PID1: variants seen among roughly 807,000 people sequenced by gnomAD.
The protein encoded by PID1 is phosphotyrosine interaction domain containing 1.
Under a neutral mutation model 19.1 loss-of-function variants are expected in PID1, and 10 were observed. The observed-to-expected ratio is 0.52, with a 90% CI of 0.32 to 0.89. The LOEUF (loss-of-function observed/expected upper bound fraction) is 0.89. PID1 is among the 40% of genes least tolerant of loss of function. PID1 has a pLI of 0.03. For missense variants in PID1, 248 were observed against 285.3 expected (o/e 0.87, Z 0.94); for synonymous variants, 130 against 116.0 (o/e 1.12, Z -0.78).
intron 1 of PID1, among the ~76,000 whole-genome samples, chr2:229,182,301 T>C (rs1418884382): frequency 3.3e-5 from 5 of 152,146 alleles, no homozygotes; most frequent in African/African-American, 9.7e-5. Context: ...GGGGAGGCTG[T>C]GTGTTTTGAA....
At chr2:229,046,813 T>C (rs1693891395) in intron 2 of PID1, among the ~76,000 whole-genome samples, 2 of 152,198 alleles carry the variant, frequency 1.3e-5, no homozygotes, top group Admixed American at 1.3e-4. Context: ...GCTTTCAAAA[T>C]GCATAGAAAA....
chr2:229,132,058 G>A (rs1463001856), intron 2 of PID1, among the ~76,000 whole-genome samples: 1 of 152,074 alleles, frequency 6.6e-6, no homozygotes, highest in Non-Finnish European at 1.5e-5. Context: ...TGTTTCCAGG[G>A]ACTCCAGATG....
At chr2:229,188,792 C>T (rs906906778) in intron 1 of PID1, among the ~76,000 whole-genome samples, 2 of 151,262 alleles carry the variant, frequency 1.3e-5, no homozygotes, top group Non-Finnish European at 1.5e-5. Context: ...ACTCAGAGCA[C>T]AGTTCTGTTA....
intron 1 of PID1, among the ~76,000 whole-genome samples, chr2:229,181,474 G>C (rs536087503): frequency 2.0e-5 from 3 of 151,790 alleles, no homozygotes; most frequent in Non-Finnish European, 4.4e-5. Flanking sequence ...GAGAATCAAC[G>C]GCAAGATCAA....
intron 2 of PID1, among the ~76,000 whole-genome samples, chr2:229,114,113 T>TTCTCTCTC (rs59302884): frequency 7.2e-6 from 1 of 138,874 alleles, no homozygotes; most frequent in Non-Finnish European, 1.6e-5. Context: ...CTCTCTCTCT[T>TTCTCTCTC]TCTCTCTCTC....
intron 1 of PID1, chr2:229,262,778 T>A (rs774758976): frequency 6.4e-7 from 1 of 1,551,546 alleles, no homozygotes; most frequent in South Asian, 1.2e-5. Context: ...TCTTCTAACA[T>A]CAGGTGGTTG....
chr2:229,034,849 A>G (rs940307650), intron 2 of PID1, among the ~76,000 whole-genome samples: 1 of 152,138 alleles, frequency 6.6e-6, no homozygotes, highest in African/African-American at 2.4e-5. Context: ...TATGGAGCCT[A>G]TGATGGAAAA....
intron 2 of PID1, among the ~76,000 whole-genome samples, chr2:229,070,121 A>G (rs1207776602): frequency 6.6e-6 from 1 of 152,236 alleles, no homozygotes; most frequent in African/African-American, 2.4e-5. Context: ...GTATACACAG[A>G]GCTTTGGATA....
intron 2 of PID1, among the ~76,000 whole-genome samples, chr2:229,139,121 GAA>G (rs1253548544): frequency 1.1e-4 from 12 of 104,498 alleles, no homozygotes; most frequent in Non-Finnish European, 1.6e-4. Context: ...GAAAGAGAAA[GAA>G]AGAAAGAAAG....
intron 2 of PID1, among the ~76,000 whole-genome samples, chr2:229,112,441 C>T (rs558575062): frequency 9.2e-5 from 14 of 152,272 alleles, no homozygotes; most frequent in Admixed American, 3.3e-4. Flanking sequence ...TCTAGAAATG[C>T]ACCTCCTAAA....
intron 1 of PID1, among the ~76,000 whole-genome samples, chr2:229,189,772 G>A (rs902769035): frequency 4.6e-5 from 7 of 152,154 alleles, no homozygotes; most frequent in Admixed American, 3.9e-4. Context: ...CAGTCGAGGG[G>A]CAGGCAAGGG....
chr2:229,196,751 C>A (rs551523564), intron 1 of PID1, among the ~76,000 whole-genome samples: 1 of 152,176 alleles, frequency 6.6e-6, no homozygotes, highest in East Asian at 1.9e-4. Flanking sequence ...CATATTTATG[C>A]TTTGGGTCTC....
intron 2 of PID1, among the ~76,000 whole-genome samples, chr2:229,109,467 A>G (rs1013730599): frequency 6.6e-6 from 1 of 152,200 alleles, no homozygotes; most frequent in Non-Finnish European, 1.5e-5. Flanking sequence ...CACATGGGCC[A>G]GTCCACAGGT....
At chr2:229,081,780 A>C (rs982203966) in intron 2 of PID1, among the ~76,000 whole-genome samples, 1 of 152,238 alleles carries the variant, frequency 6.6e-6, no homozygotes, top group Non-Finnish European at 1.5e-5. Flanking sequence ...AACAAAAGTT[A>C]ATAGTGTTTG....
chr2:229,211,617 C>T (rs552710722), intron 1 of PID1, among the ~76,000 whole-genome samples: 7 of 152,210 alleles, frequency 4.6e-5, no homozygotes, highest in Non-Finnish European at 5.9e-5. Context: ...GCACCACATT[C>T]TCTTTTTAAT....
At position 229,056,706 on chromosome 2, in the gene PID1, A is replaced by G. The variant is rs550408556; in HGVS notation, c.178-30598T>C. The stretch of plus-strand genomic sequence containing the variant: ...CCAATGCACCACCAAGCAATCTGAT[A>G]ATCAAAAGGTGTTCACACATTTCTT... On this transcript the variant is annotated intron_variant, in intron 2 of 2. Coordinates refer to ENST00000392055, the MANE Select transcript of PID1 (RefSeq NM_001100818.2). 4.1e-4 allele frequency among the ~76,000 whole-genome samples: 62 copies of G among 151,554 alleles called. No homozygotes were observed. In the East Asian group the frequency reaches 0.01, roughly 26 times the overall value.
At chr2:229,253,043 G>A (rs1333423211) in intron 1 of PID1, among the ~76,000 whole-genome samples, 1 of 152,136 alleles carries the variant, frequency 6.6e-6, no homozygotes, top group Non-Finnish European at 1.5e-5. Context: ...CTACCCAGAA[G>A]GTCAGGACTG....
chr2:229,048,240 C>A (rs554807917), intron 2 of PID1, among the ~76,000 whole-genome samples: 1 of 152,198 alleles, frequency 6.6e-6, no homozygotes, highest in South Asian at 2.1e-4. Context: ...ACTCAGGAAC[C>A]CCCTTTAAAG....
intron 1 of PID1, among the ~76,000 whole-genome samples, chr2:229,209,390 G>A (rs532490870): frequency 5.3e-5 from 8 of 152,278 alleles, no homozygotes; most frequent in African/African-American, 1.7e-4. Flanking sequence ...TCTAGCCAAT[G>A]GAATGTGAGC....
Sources: allele counts gnomAD v4.1 joint callset (sites outside exome capture counted in the v4.1 genomes callset), GRCh38; gene constraint gnomAD v4.1.1; transcripts MANE v1.5; gene names NCBI Gene and HGNC (gene_info 2026-07-23, HGNC 2026-07-21).